OR51L1: variants seen among roughly 807,000 people sequenced by gnomAD.
OR51L1 encodes the protein olfactory receptor family 51 subfamily L member 1, also known as olfactory receptor 51L1.
A neutral mutation model predicts 1.4 loss-of-function variants in OR51L1; 1 was observed. The observed-to-expected ratio is 0.72, with a 90% CI of 0.26 to 3.42. The LOEUF is 3.42. OR51L1 is among the 30% of genes most tolerant of loss of function. OR51L1 has a pLI of 0.20. For synonymous variants in OR51L1, 156 were observed against 144.2 expected (o/e 1.08, Z -0.59); for missense variants, 378 against 380.0 (o/e 0.99, Z 0.04).
chr11:4,995,340 G>A lies in OR51L1; in HGVS notation c.-262+5G>A, dbSNP rs936332262. The A allele has an allele frequency of 6.6e-6, 1 of 152,178 alleles. No homozygotes were observed. The highest frequency in any genetic ancestry group is 1.9e-4 in the East Asian group (1 of 5,186). The allele number at this position is 152,178 out of a possible 1,614,324, so 9.4% of individuals were successfully genotyped here. On this transcript the variant is annotated splice_donor_5th_base_variant and intron_variant, in intron 1 of 2. Coordinates refer to ENST00000641819, the MANE Select transcript of OR51L1 (RefSeq NM_001004755.2). ...TGCCTTATATTTAAATTTCAGGTAA[G>A]TGTGAATTTTTAAATTATAAATAGT... is the stretch of plus-strand genomic sequence containing the variant.
At chr11:4,996,274 A>C (rs2133658887) in intron 1 of OR51L1, among the ~76,000 whole-genome samples, 1 of 152,254 alleles carries the variant, frequency 6.6e-6, no homozygotes, top group South Asian at 2.1e-4. Context: ...ACACAGGCAC[A>C]TAGTAATGAC....
At chr11:4,998,787 T>A in intron 2 of OR51L1, 37 bp from the exon 3 acceptor site, 1 of 561,756 alleles carries the variant, frequency 1.8e-6, no homozygotes. Flanking sequence ...GTTCCAGAAT[T>A]TGTGCTCCTT....
Position 5,004,374 on chromosome 11 carries a change from T to C in OR51L1, c.*4444T>C, listed in dbSNP as rs1324555895. The C allele has an allele frequency of 1.3e-5, 2 of 152,126 alleles. No individual in the cohort carries two copies. Among genetic ancestry groups the C allele is most frequent in the Non-Finnish European group, 2.9e-5 (2 of 68,056 alleles). The allele number at this position is 152,126 out of a possible 1,614,324, so 9.4% of individuals were successfully genotyped here. ...TGGCAAGCAAATGATAACCCCCCTT[T>C]GAAGTACAGGTGGGCAGCAAATCAC... On this transcript the variant is annotated 3_prime_UTR_variant, in exon 3 of 3. Coordinates refer to ENST00000641819, the MANE Select transcript of OR51L1 (RefSeq NM_001004755.2).
chr11:5,000,854 T>A lies in OR51L1; in HGVS notation c.*924T>A, dbSNP rs1333808162. 2.6e-5 allele frequency: 4 copies of A among 152,338 alleles called. No homozygotes were observed. The highest frequency in any genetic ancestry group is 9.7e-5 in the African/African-American group (4 of 41,426). The allele number at this position is 152,338 out of a possible 1,614,324, so 9.4% of individuals were successfully genotyped here. On this transcript the variant is annotated 3_prime_UTR_variant, in exon 3 of 3. Coordinates refer to ENST00000641819, the MANE Select transcript of OR51L1 (RefSeq NM_001004755.2). ...GTGGGTCATCCAGTAGTCTGGCCAGTGGGGGAGAATTTGGTAGGGTGCTTG... is the reference window on the plus strand; with the variant it reads ...GTGGGTCATCCAGTAGTCTGGCCAGAGGGGGAGAATTTGGTAGGGTGCTTG...
Position 5,000,716 on chromosome 11 carries a change from G to A in OR51L1, c.*786G>A, listed in dbSNP as rs956588108. The A allele has an allele frequency of 6.6e-6, 1 of 152,178 alleles. No homozygotes were observed. Among genetic ancestry groups the A allele is most frequent in the African/African-American group, 2.4e-5 (1 of 41,416 alleles). The allele number at this position is 152,178 out of a possible 1,614,324, so 9.4% of individuals were successfully genotyped here. ...TGAAAGGAGACACTTCAGCATTCTG[G>A]GCAGAAAGCAGGGTTTTAATAAGAG... is the stretch of plus-strand genomic sequence containing the variant. On this transcript the variant is annotated 3_prime_UTR_variant, in exon 3 of 3. Coordinates refer to ENST00000641819, the MANE Select transcript of OR51L1 (RefSeq NM_001004755.2).
In OR51L1 at chr11:5,000,024, A is replaced by T. The variant is rs1847116139; in HGVS notation, c.*94A>T. 8.2e-7 allele frequency: 1 copy of T among 1,221,314 alleles called. No individual in the cohort carries two copies. The highest frequency in any genetic ancestry group is 2.7e-5 in the Admixed American group (1 of 37,132). 75.7% of individuals were successfully genotyped at this position (1,221,314 alleles called of 1,614,324 possible). ...ATATCTGGGTGTTGCTCATCTGGTT[A>T]AAATCCTAATTCTTTCACTTCTTAT... On this transcript the variant is annotated 3_prime_UTR_variant, in exon 3 of 3. Coordinates refer to ENST00000641819, the MANE Select transcript of OR51L1 (RefSeq NM_001004755.2).
intron 1 of OR51L1, among the ~76,000 whole-genome samples, chr11:4,995,940 G>T (rs1017909947): frequency 6.6e-6 from 1 of 152,042 alleles, no homozygotes; most frequent in African/African-American, 2.4e-5. Context: ...TAGGGGGCCC[G>T]GGTAGTGGAG....
rs1268950174 is a variant in OR51L1 at position 5,004,464 on chromosome 11, C to T, written c.*4534C>T. 2 of 152,048 alleles carry T rather than the reference C, an allele frequency of 1.3e-5. No individual in the cohort carries two copies. The highest frequency in any genetic ancestry group is 2.4e-5 in the African/African-American group (1 of 41,374). The allele number at this position is 152,048 out of a possible 1,614,324, so 9.4% of individuals were successfully genotyped here. On this transcript the variant is annotated 3_prime_UTR_variant, in exon 3 of 3. Transcript: ENST00000641819. Reference sequence around the variant, plus strand: ...AAATAGGTTATTTGGGAAGCCAGTCCCTAGAGTAACTGCAAGACTCAGTAA... The same window carrying T: ...AAATAGGTTATTTGGGAAGCCAGTCTCTAGAGTAACTGCAAGACTCAGTAA...
Position 4,998,987 on chromosome 11 carries a change from G to A in OR51L1, c.5G>A (p.Gly2Glu). Residue 2 changes from glycine to glutamate, a missense_variant, in exon 3 of 3, where the codon GGA becomes GAA. Coordinates refer to ENST00000641819, the MANE Select transcript of OR51L1 (RefSeq NM_001004755.2). M[G>E]DWNNSDAVEP... ...GCTGAATTACTCAAAGTCACTATGG[G>A]AGACTGGAATAACAGTGATGCTGTG... 6.2e-7 allele frequency: 1 copy of A among 1,612,666 alleles called. No individual in the cohort carries two copies. The highest frequency in any genetic ancestry group is 8.5e-7 in the Non-Finnish European group (1 of 1,179,154).
rs1322832452 is a variant in OR51L1, at chr11:4,999,731, T to G, written c.749T>G (p.Val250Gly). 1 of 1,613,892 alleles carries G rather than the reference T, an allele frequency of 6.2e-7. No individual in the cohort carries two copies. The highest frequency in any genetic ancestry group is 8.5e-7 in the Non-Finnish European group (1 of 1,179,966). Residue 250 changes from valine to glycine, a missense_variant, in exon 3 of 3, where the codon GTG becomes GGG. Val to Gly is a moderately radical substitution (Grantham distance 109). Transcript: ENST00000641819. ...ACATGTGTATCCCATATCTGTGTGG[T>G]GCTTATCTTCTTTGTGCCAGTTATT... ...LNTCVSHICVVLIFFVPVIGV... is the reference protein window; with the variant it reads ...LNTCVSHICVGLIFFVPVIGV...
Position 4,999,147 on chromosome 11 carries a change from C to G in OR51L1, c.165C>G (p.Ser55=). Residue 55 remains serine (S), a synonymous_variant, in exon 3 of 3, where the codon TCC becomes TCG. Transcript: ENST00000641819. ...VTILSVIWIE[S]SLHQPMYYFI... is the part of the protein sequence containing the mutation. ...TCCTGTCTGTCATTTGGATAGAATC[C>G]TCTCTCCATCAGCCCATGTATTACT... 6.2e-7 allele frequency: 1 copy of G among 1,612,784 alleles called. No homozygotes were observed.
intron 2 of OR51L1, among the ~76,000 whole-genome samples, 154 bp downstream of exon 2, chr11:4,997,737 A>T (rs557953301): frequency 6.6e-6 from 1 of 152,324 alleles, no homozygotes; most frequent in African/African-American, 2.4e-5. Flanking sequence ...ACACTGGTTC[A>T]GCACAGGCAA....
chr11:5,002,071 G>A lies in OR51L1; in HGVS notation c.*2141G>A, dbSNP rs963620864. 1.3e-5 allele frequency: 2 copies of A among 152,184 alleles called. No individual in the cohort carries two copies. Among genetic ancestry groups the A allele is most frequent in the East Asian group, 3.9e-4 (2 of 5,194 alleles). 9.4% of individuals were successfully genotyped at this position (152,184 alleles called of 1,614,324 possible). On this transcript the variant is annotated 3_prime_UTR_variant, in exon 3 of 3. Coordinates refer to ENST00000641819, the MANE Select transcript of OR51L1 (RefSeq NM_001004755.2). ...TTGACACTTTCACTGTGCATTGTGAGTCAAATTCATTCTTGACCAGTTGAA... is the reference window on the plus strand; with the variant it reads ...TTGACACTTTCACTGTGCATTGTGAATCAAATTCATTCTTGACCAGTTGAA...
At chr11:4,998,280 A>T (rs12420323) in intron 2 of OR51L1, among the ~76,000 whole-genome samples, 19,913 of 150,344 alleles carry the variant, frequency 0.13, 1,542 homozygotes, top group Admixed American at 0.26. Context: ...TTTACCGTGA[A>T]TTTTTTTTTA....
Position 4,999,679 on chromosome 11 carries a change from C to T in OR51L1, c.697C>T (p.Arg233Cys), listed in dbSNP as rs1239718091. Residue 233 changes from arginine (R) to cysteine (C), a missense_variant, in exon 3 of 3, where the codon CGT becomes TGT. By Grantham distance (180) the Arg-to-Cys change is radical. Coordinates refer to ENST00000641819, the MANE Select transcript of OR51L1 (RefSeq NM_001004755.2). ...TAATACTGTGCTGGATATTGCATCT[C>T]GTGAAGAGCAGCTAAAGGCACTCAA... ...ILNTVLDIAS[R>C]EEQLKALNTC... 3.7e-6 allele frequency: 6 copies of T among 1,613,818 alleles called. No homozygotes were observed. Among genetic ancestry groups the T allele is most frequent in the African/African-American group, 1.3e-5 (1 of 74,896 alleles).
Position 5,002,410 on chromosome 11 carries a change from A to G in OR51L1, c.*2480A>G, listed in dbSNP as rs2133663515. ...TTCAGTCTAACTTAAAACTTACCCAAAGCATTTTGCATTTCCTCCCACAAA... is the reference window on the plus strand; with the variant it reads ...TTCAGTCTAACTTAAAACTTACCCAGAGCATTTTGCATTTCCTCCCACAAA... On this transcript the variant is annotated 3_prime_UTR_variant, in exon 3 of 3. Transcript: ENST00000641819. 1 of 152,258 alleles carries G rather than the reference A, an allele frequency of 6.6e-6. No homozygotes were observed. Among genetic ancestry groups the G allele is most frequent in the South Asian group, 2.1e-4 (1 of 4,818 alleles). 9.4% of individuals were successfully genotyped at this position (152,258 alleles called of 1,614,324 possible). A position where few individuals can be genotyped will look rare whatever the true frequency, so the allele number is the denominator to read the frequency against.
intron 1 of OR51L1, 130 bp from the exon 2 acceptor site, chr11:4,997,352 T>A (rs1589828064): frequency 2.0e-5 from 3 of 152,306 alleles, no homozygotes; most frequent in African/African-American, 7.2e-5. Context: ...TAAAGCTTTT[T>A]ATTAAATATA....
rs750132904 is a variant in OR51L1, at chr11:4,999,068, T to A, written c.86T>A (p.Leu29His). The A allele has an allele frequency of 6.2e-7, 1 of 1,614,122 alleles. No individual in the cohort carries two copies. The highest frequency in any genetic ancestry group is 1.1e-5 in the South Asian group (1 of 91,084). The change falls in exon 3 of 3, where the codon CTC (leucine) becomes CAC (histidine). Residue 29 changes from leucine (L) to histidine (H), a missense_variant. Leu to His is a moderately conservative substitution (Grantham distance 99, BLOSUM62 -3). Transcript: ENST00000641819. ...FPGLEYVHSWLSILFCLAYLV... is the reference protein window; with the variant it reads ...FPGLEYVHSWHSILFCLAYLV... The stretch of plus-strand genomic sequence containing the variant: ...GGACTGGAGTATGTTCATTCTTGGC[T>A]CTCCATCCTCTTCTGTCTTGCATAT...
In OR51L1 at chr11:5,004,494, C is replaced by T. The variant is rs148926936; in HGVS notation, c.*4564C>T. ...AGTAACTGCAAGACTCAGTAAGAGT[C>T]TAGCCATATGGGTATTGTTGAAATT... On this transcript the variant is annotated 3_prime_UTR_variant, in exon 3 of 3. Transcript: ENST00000641819. The T allele has an allele frequency of 1.8e-3, 272 of 152,252 alleles. 1 individual carries two copies. The highest frequency in any genetic ancestry group is 6.4e-3 in the African/African-American group (264 of 41,542). 9.4% of individuals were successfully genotyped at this position (152,252 alleles called of 1,614,324 possible).
Sources: gnomAD v4.1 joint callset for allele counts (sites outside exome capture counted in the v4.1 genomes callset) on GRCh38, gnomAD v4.1.1 for gene constraint, MANE v1.5 for transcripts, NCBI Gene and HGNC (gene_info 2026-07-23, HGNC 2026-07-21) for gene names.